The following ITSN1 variants were observed in gnomAD, a reference collection of about 807,000 sequenced individuals.
ITSN1 encodes intersectin 1.
A neutral mutation model predicts 239.8 loss-of-function variants in ITSN1; 58 were observed. The ratio of observed to expected loss-of-function variants is 0.24; its 90% CI spans 0.20 to 0.30. The LOEUF (loss-of-function observed/expected upper bound fraction) is 0.30. Ranked by LOEUF, ITSN1 falls within the 10% of genes least tolerant of loss-of-function variation. The pLI, the probability that ITSN1 is intolerant of heterozygous loss-of-function variation, is 1.00. For missense variants in ITSN1, 1,558 were observed against 2,103.3 expected (o/e 0.74, Z 5.07); for synonymous variants, 780 against 770.8 (o/e 1.01, Z -0.20).
Position 33,896,039 on chromosome 21 carries a change from CTCTG to C in ITSN1, c.*7743_*7746del, listed in dbSNP as rs1413537942. 2.0e-5 allele frequency: 3 copies of C among 152,440 alleles called. No homozygotes were observed. Among genetic ancestry groups the C allele is most frequent in the Admixed American group, 6.5e-5 (1 of 15,306 alleles). The allele number at this position is 152,440 out of a possible 1,614,324, so 9.4% of individuals were successfully genotyped here. On this transcript the variant is annotated 3_prime_UTR_variant, in exon 40 of 40. Coordinates refer to ENST00000381318, the MANE Select transcript of ITSN1 (RefSeq NM_003024.3). ...TCTGCTGGTTCCCGAAGCTGATGGG[CTCTG>C]TCTTAGGTCTTCTTACTTTGAAAGG...
intron 5 of ITSN1, among the ~76,000 whole-genome samples, chr21:33,741,861 C>G (rs1182201714): frequency 1.5e-5 from 2 of 135,048 alleles, no homozygotes; most frequent in African/African-American, 5.5e-5. Flanking sequence ...CGTCACTGCA[C>G]TCCATCCTGG....
At chr21:33,827,138 G>T (rs752662383) in intron 26 of ITSN1, among the ~76,000 whole-genome samples, 7 of 152,194 alleles carry the variant, frequency 4.6e-5, no homozygotes, top group Non-Finnish European at 1.0e-4. Context: ...GGTGGCTCAT[G>T]CCTGTAATCC....
chr21:33,734,465 G>T (rs1320543793), intron 4 of ITSN1, among the ~76,000 whole-genome samples: 1 of 152,128 alleles, frequency 6.6e-6, no homozygotes, highest in African/African-American at 2.4e-5. Flanking sequence ...AGTTTCAAGA[G>T]CTTTAGAGGT....
intron 20 of ITSN1, among the ~76,000 whole-genome samples, chr21:33,806,182 G>T (rs1233377675): frequency 2.6e-5 from 4 of 151,352 alleles, no homozygotes; most frequent in African/African-American, 9.7e-5. Flanking sequence ...CTGCACTCCA[G>T]CCTGGGCAAC....
Position 33,818,442 on chromosome 21 carries a change from T to G in ITSN1, c.2903T>G (p.Leu968Arg). The part of the protein sequence containing the change: ...KGWFPKSYVK[L>R]ISGPIRKSTS... ...TGGTTCCCCAAGTCTTACGTGAAAC[T>G]CATTTCAGGGCCCATAAGGAAGTCT... The change falls in exon 23 of 40, where the codon CTC becomes CGC. Residue 968 changes from leucine to arginine, a missense_variant. By Grantham distance (102) the Leu-to-Arg change is moderately radical. Coordinates refer to ENST00000381318, the MANE Select transcript of ITSN1 (RefSeq NM_003024.3). 1 of 1,614,176 alleles carries G rather than the reference T, an allele frequency of 6.2e-7. No homozygotes were observed. The highest frequency in any genetic ancestry group is 8.5e-7 in the Non-Finnish European group (1 of 1,179,988).
intron 1 of ITSN1, among the ~76,000 whole-genome samples, chr21:33,653,969 A>G (rs1212093578): frequency 2.6e-5 from 4 of 152,052 alleles, no homozygotes; most frequent in African/African-American, 9.7e-5. Flanking sequence ...GTTTATTGGC[A>G]TGGAACTTCT....
chr21:33,788,855 G>T (rs1162325979), intron 16 of ITSN1, among the ~76,000 whole-genome samples: 1 of 152,204 alleles, frequency 6.6e-6, no homozygotes, highest in Non-Finnish European at 1.5e-5. Context: ...GGAGGCTGAG[G>T]TGGGAGGATC....
At chr21:33,803,477 A>G (rs903489860) in intron 20 of ITSN1, among the ~76,000 whole-genome samples, 1 of 152,246 alleles carries the variant, frequency 6.6e-6, no homozygotes, top group Admixed American at 6.5e-5. Flanking sequence ...TAAAAAATAC[A>G]ATGAAGATTA....
At chr21:33,676,042 T>G (rs770962569) in intron 1 of ITSN1, among the ~76,000 whole-genome samples, 16 of 152,076 alleles carry the variant, frequency 1.1e-4, no homozygotes, top group African/African-American at 2.7e-4. Context: ...TTTTGTTTTT[T>G]TTTTTGTTTG....
chr21:33,724,797 T>G (rs2147132018), intron 4 of ITSN1, among the ~76,000 whole-genome samples: 1 of 152,144 alleles, frequency 6.6e-6, no homozygotes, highest in South Asian at 2.1e-4. Flanking sequence ...AAAAATAAAA[T>G]ACACTCTAAT....
intron 15 of ITSN1, 118 bp downstream of exon 15, chr21:33,781,666 C>G: frequency 1.6e-6 from 1 of 616,062 alleles, no homozygotes; most frequent in Non-Finnish European, 2.8e-6. Flanking sequence ...CTGTAACCTC[C>G]GCCTCCCGGG....
chr21:33,734,541 G>A (rs1389550294), intron 4 of ITSN1, among the ~76,000 whole-genome samples: 1 of 152,142 alleles, frequency 6.6e-6, no homozygotes, highest in Non-Finnish European at 1.5e-5. Flanking sequence ...ACTGTGTCAT[G>A]TTCCCACATT....
At chr21:33,885,883 A>G (rs1476872611) in intron 38 of ITSN1, among the ~76,000 whole-genome samples, 2 of 152,130 alleles carry the variant, frequency 1.3e-5, no homozygotes, top group African/African-American at 4.8e-5. Flanking sequence ...TTCTCCACCG[A>G]ATGACACTTA....
chr21:33,882,420 C>A lies in ITSN1; in HGVS notation c.4519C>A (p.Pro1507Thr). ...GSSGTDKVFS[P>T]KSNLQYKMYK... ...TTCTGGCACCGACAAAGTCTTCAGC[C>A]CCAAATCAAACCTGCAGTATAAAAT... is the stretch of plus-strand genomic sequence containing the variant. Residue 1507 changes from proline to threonine, a missense_variant, in exon 35 of 40, where the codon CCC (proline) becomes ACC (threonine). This residue lies in a region of ITSN1 where 576 missense variants were observed against 893.3 expected (regional missense o/e 0.64). Coordinates refer to ENST00000381318, the MANE Select transcript of ITSN1 (RefSeq NM_003024.3). The surrounding 1 kb of genome is among the most constrained non-coding windows in gnomAD (Gnocchi z 4.5). The A allele has an allele frequency of 6.2e-7, 1 of 1,614,026 alleles. No individual in the cohort carries two copies. The highest frequency in any genetic ancestry group is 8.5e-7 in the Non-Finnish European group (1 of 1,180,008).
At chr21:33,777,315 C>G (rs1380723938) in intron 14 of ITSN1, among the ~76,000 whole-genome samples, 1 of 152,112 alleles carries the variant, frequency 6.6e-6, no homozygotes, top group African/African-American at 2.4e-5. Context: ...CTATTCTGTT[C>G]TTTTGATCTG....
intron 29 of ITSN1, among the ~76,000 whole-genome samples, chr21:33,855,344 G>A (rs965023128): frequency 1.7e-4 from 26 of 152,208 alleles, no homozygotes; most frequent in African/African-American, 6.0e-4. Context: ...TGGGGACCAC[G>A]CTTTGACAAC....
chr21:33,749,701 C>T (rs1053505483), intron 5 of ITSN1, among the ~76,000 whole-genome samples: 2 of 151,666 alleles, frequency 1.3e-5, no homozygotes, highest in African/African-American at 2.4e-5. Context: ...CCCCATCAAA[C>T]ATGTGGTTTC....
At chr21:33,679,605 G>A (rs1376890558) in intron 1 of ITSN1, among the ~76,000 whole-genome samples, 2 of 151,544 alleles carry the variant, frequency 1.3e-5, no homozygotes, top group African/African-American at 4.8e-5. Flanking sequence ...TAGGTTTTAG[G>A]AAAATAAAAT....
intron 16 of ITSN1, among the ~76,000 whole-genome samples, chr21:33,785,729 C>T (rs1325424356): frequency 6.6e-6 from 1 of 152,168 alleles, no homozygotes; most frequent in Admixed American, 6.5e-5. Context: ...TGTTAAATGG[C>T]TCCATATTCA....
Sources: gnomAD v4.1 joint callset for allele counts (sites outside exome capture counted in the v4.1 genomes callset) on GRCh38, gnomAD v4.1.1 for gene constraint, gnomAD v4.1.1 regional missense constraint, Gnocchi (gnomAD v3.1) non-coding constraint, MANE v1.5 for transcripts, NCBI Gene and HGNC (gene_info 2026-07-23, HGNC 2026-07-21) for gene names.